BICD1: variants seen among roughly 807,000 people sequenced by gnomAD.
The protein encoded by BICD1 is BICD cargo adaptor 1.
Under a neutral mutation model 92.5 loss-of-function variants are expected in BICD1, and 35 were observed. The observed-to-expected ratio is 0.38, with a 90% CI of 0.29 to 0.50. The LOEUF is 0.50. Among genes scored for constraint, BICD1 ranks in the 20% least tolerant of loss-of-function variants. The pLI is 0.93. For missense variants in BICD1, 950 were observed against 1,189.8 expected (o/e 0.80, Z 2.97); for synonymous variants, 429 against 465.1 (o/e 0.92, Z 1.00).
At chr12:32,118,368 A>G (rs1406429027) in intron 1 of BICD1, among the ~76,000 whole-genome samples, 1 of 152,122 alleles carries the variant, frequency 6.6e-6, no homozygotes, top group Non-Finnish European at 1.5e-5. Flanking sequence ...GGTGTGAGCC[A>G]CCGAGCCTGG....
intron 2 of BICD1, among the ~76,000 whole-genome samples, chr12:32,221,271 TA>T (rs563212976): frequency 0.063 from 9,268 of 147,872 alleles, 458 homozygotes; most frequent in Non-Finnish European, 0.091. Flanking sequence ...TTAAAAAATT[TA>T]AAAAAAAATG....
At chr12:32,360,456 G>A (rs11051954) in intron 8 of BICD1, among the ~76,000 whole-genome samples, 4,535 of 152,128 alleles carry the variant, frequency 0.03, 279 homozygotes, top group East Asian at 0.28. Context: ...CCTCATCCTC[G>A]GCAAATTTCT....
intron 1 of BICD1, among the ~76,000 whole-genome samples, chr12:32,115,104 T>G (rs2683504): frequency 6.6e-6 from 1 of 152,022 alleles, no homozygotes; most frequent in Admixed American, 6.5e-5. Context: ...CGATTCTCCC[T>G]CCTCAGCCTC....
At chr12:32,348,154 C>G (rs1938699895) in intron 8 of BICD1, among the ~76,000 whole-genome samples, 1 of 152,090 alleles carries the variant, frequency 6.6e-6, no homozygotes, top group African/African-American at 2.4e-5. Context: ...TCCAGTATTC[C>G]TGTCCAGAAA....
chr12:32,245,120 T>C (rs1284724113), intron 2 of BICD1, among the ~76,000 whole-genome samples: 1 of 152,196 alleles, frequency 6.6e-6, no homozygotes, highest in Admixed American at 6.5e-5. Context: ...AAAATAATAG[T>C]AAACAAATAA....
intron 8 of BICD1, among the ~76,000 whole-genome samples, chr12:32,358,914 T>A (rs1284970911): frequency 6.6e-6 from 1 of 152,198 alleles, no homozygotes; most frequent in Non-Finnish European, 1.5e-5. Context: ...TTATTTCTCA[T>A]CCTTCTTTCT....
chr12:32,125,616 A>G (rs1357400395), intron 1 of BICD1, among the ~76,000 whole-genome samples: 3 of 152,214 alleles, frequency 2.0e-5, no homozygotes, highest in African/African-American at 7.2e-5. Context: ...ACATCTGACT[A>G]ACCTTCCTGC....
chr12:32,181,167 C>T (rs571232561), intron 1 of BICD1, among the ~76,000 whole-genome samples: 3 of 151,726 alleles, frequency 2.0e-5, no homozygotes, highest in Admixed American at 1.3e-4. Flanking sequence ...CACCTGTAAC[C>T]CCAGCAGTTT....
chr12:32,130,768 G>A (rs531321039), intron 1 of BICD1, among the ~76,000 whole-genome samples: 4 of 152,172 alleles, frequency 2.6e-5, no homozygotes, highest in African/African-American at 7.2e-5. Flanking sequence ...AGTAATCGAA[G>A]TATGCTCATT....
At chr12:32,120,897 A>AGAG (rs1565529123) in intron 1 of BICD1, among the ~76,000 whole-genome samples, 2 of 82,114 alleles carry the variant, frequency 2.4e-5, no homozygotes, top group Non-Finnish European at 4.8e-5. Flanking sequence ...GAGAGAGAGA[A>AGAG]AAAAAAAAGG....
intron 8 of BICD1, among the ~76,000 whole-genome samples, chr12:32,360,811 T>G (rs1243157773): frequency 6.6e-6 from 1 of 152,206 alleles, no homozygotes; most frequent in African/African-American, 2.4e-5. Flanking sequence ...TACATAAAGC[T>G]ATCGAGGTCA....
chr12:32,207,891 G>T (rs188166793), intron 1 of BICD1, among the ~76,000 whole-genome samples: 1 of 152,216 alleles, frequency 6.6e-6, no homozygotes, highest in Non-Finnish European at 1.5e-5. Flanking sequence ...TGAGTAGGGA[G>T]CTGCTCTCAT....
chr12:32,349,551 C>T (rs1439635669), intron 8 of BICD1, among the ~76,000 whole-genome samples: 3 of 152,078 alleles, frequency 2.0e-5, no homozygotes, highest in African/African-American at 7.2e-5. Context: ...TTATTCTGTC[C>T]ATGACTGGGT....
chr12:32,334,442 G>T, intron 5 of BICD1, 74 bp from the exon 6 acceptor site: 2 of 1,401,198 alleles, frequency 1.4e-6, no homozygotes, highest in Non-Finnish European at 9.5e-7. Context: ...AACATAATAG[G>T]CACAGCATGA....
chr12:32,191,212 G>C (rs186994250), intron 1 of BICD1, among the ~76,000 whole-genome samples: 69 of 152,214 alleles, frequency 4.5e-4, no homozygotes, highest in African/African-American at 1.6e-3. Context: ...TCAGCAGAAG[G>C]AGACAAAGAT....
At chr12:32,290,989 G>C (rs892849945) in intron 2 of BICD1, among the ~76,000 whole-genome samples, 2 of 152,116 alleles carry the variant, frequency 1.3e-5, no homozygotes, top group East Asian at 3.8e-4. Flanking sequence ...CTGAGCTAAC[G>C]CCACTACTTA....
chr12:32,198,330 C>CTATATATATATATATATATATA (rs749446989), intron 1 of BICD1, among the ~76,000 whole-genome samples: 3 of 117,778 alleles, frequency 2.5e-5, no homozygotes, highest in African/African-American at 9.7e-5. Flanking sequence ...ATGCATCTAT[C>CTATATATATATATATATATATA]TATATATATA....
chr12:32,304,893 G>T (rs954985458), intron 3 of BICD1, among the ~76,000 whole-genome samples: 1 of 152,138 alleles, frequency 6.6e-6, no homozygotes, highest in Non-Finnish European at 1.5e-5. Flanking sequence ...GCCAGGTATG[G>T]TGGCACATGC....
intron 1 of BICD1, among the ~76,000 whole-genome samples, chr12:32,209,548 C>A (rs534069024): frequency 6.6e-6 from 1 of 152,268 alleles, no homozygotes; most frequent in South Asian, 2.1e-4. Flanking sequence ...GGCCACTAGC[C>A]AACCCTTTTC....
Sources: gnomAD v4.1 joint callset for allele counts (sites outside exome capture counted in the v4.1 genomes callset) on GRCh38, gnomAD v4.1.1 for gene constraint, MANE v1.5 for transcripts, NCBI Gene and HGNC (gene_info 2026-07-23, HGNC 2026-07-21) for gene names.